Variants in STXBP5L observed in about 807,000 individuals in gnomAD.
STXBP5L encodes syntaxin binding protein 5L.
In STXBP5L, 65 loss-of-function variants were observed where a neutral mutation model predicts 144.5. The ratio of observed to expected loss-of-function variants is 0.45; its 90% CI spans 0.37 to 0.55. The LOEUF (loss-of-function observed/expected upper bound fraction) is 0.55, where lower values mean the gene tolerates loss of function less well. Among genes scored for constraint, STXBP5L ranks in the 20% least tolerant of loss-of-function variants. The pLI is 0.00. For synonymous variants in STXBP5L, 505 were observed against 469.6 expected (o/e 1.08, Z -0.97); for missense variants, 1,298 against 1,405.5 (o/e 0.92, Z 1.22).
intron 2 of STXBP5L, among the ~76,000 whole-genome samples, chr3:120,917,156 G>A (rs937487010): frequency 3.9e-5 from 6 of 152,134 alleles, no homozygotes; most frequent in African/African-American, 1.4e-4. Flanking sequence ...CCAGCTTTGT[G>A]GAGTGGTCAA....
chr3:120,922,445 A>G (rs1391214635), intron 2 of STXBP5L, among the ~76,000 whole-genome samples: 1 of 151,738 alleles, frequency 6.6e-6, no homozygotes, highest in Non-Finnish European at 1.5e-5. Context: ...CCAATTGGAT[A>G]CCCCTTTATT....
chr3:121,025,317 G>A (rs1469233681), intron 3 of STXBP5L, among the ~76,000 whole-genome samples: 1 of 152,098 alleles, frequency 6.6e-6, no homozygotes, highest in Non-Finnish European at 1.5e-5. Flanking sequence ...ACAGTAGATT[G>A]AGGGAGTAGT....
chr3:121,038,086 A>C, intron 3 of STXBP5L, among the ~76,000 whole-genome samples: 1 of 151,892 alleles, frequency 6.6e-6, no homozygotes, highest in East Asian at 1.9e-4. Context: ...TGAATTTTTC[A>C]AACTAGGTTT....
Position 121,407,315 on chromosome 3 carries a change from C to T in STXBP5L, c.2660C>T (p.Pro887Leu), listed in dbSNP as rs910903172. ...CMDRMGGLMQ[P>L]PYEVWRDPNN... ...GACCGAATGGGTGGATTAATGCAACCGCCATATGAAGTTTGGAGGGATCCA... is the reference window on the plus strand; with the variant it reads ...GACCGAATGGGTGGATTAATGCAACTGCCATATGAAGTTTGGAGGGATCCA... The change falls in exon 23 of 27, where the codon CCG (proline) becomes CTG (leucine). Residue 887 changes from proline (P) to leucine (L), a missense_variant. Coordinates refer to ENST00000471454, the MANE Select transcript of STXBP5L (RefSeq NM_001308330.2). The T allele has an allele frequency of 5.0e-6, 8 of 1,611,888 alleles. No homozygotes were observed. Among genetic ancestry groups the T allele is most frequent in the East Asian group, 4.5e-5 (2 of 44,832 alleles).
At chr3:121,286,183 T>G (rs2051227141) in intron 19 of STXBP5L, among the ~76,000 whole-genome samples, 1 of 152,142 alleles carries the variant, frequency 6.6e-6, no homozygotes, top group African/African-American at 2.4e-5. Context: ...CTATTATCCC[T>G]TTCTTTTCAA....
At chr3:121,097,980 A>G (rs2043217111) in intron 5 of STXBP5L, among the ~76,000 whole-genome samples, 1 of 152,150 alleles carries the variant, frequency 6.6e-6, no homozygotes, top group South Asian at 2.1e-4. Flanking sequence ...TTCTATTTTA[A>G]CCATTGTTAA....
At chr3:121,235,863 ACT>A (rs2049464490) in intron 12 of STXBP5L, among the ~76,000 whole-genome samples, 1 of 150,898 alleles carries the variant, frequency 6.6e-6, no homozygotes, top group Non-Finnish European at 1.5e-5. Flanking sequence ...ACACACACAC[ACT>A]ATATTCTCTG....
At chr3:121,126,188 G>A (rs748736068) in intron 7 of STXBP5L, among the ~76,000 whole-genome samples, 2 of 152,068 alleles carry the variant, frequency 1.3e-5, no homozygotes, top group African/African-American at 4.8e-5. Context: ...TCTCGATAAG[G>A]GACTGAAAAA....
rs367953080 is a variant in STXBP5L at position 121,394,868 on chromosome 3, T to C, written c.2588-12375T>C. On this transcript the variant is annotated intron_variant, in intron 22 of 26. Coordinates refer to ENST00000471454, the MANE Select transcript of STXBP5L (RefSeq NM_001308330.2). The stretch of plus-strand genomic sequence containing the variant: ...ATCCACCCGTCTCAGCCTCCCAAAG[T>C]GCTGGGATTACAGGCTGTTGAGGGT... 3.2e-4 allele frequency among the ~76,000 whole-genome samples: 49 copies of C among 152,242 alleles called. No homozygotes were observed. The South Asian group carries it at 0.01, about 32-fold the overall frequency.
chr3:121,056,799 T>C (rs1948490577), intron 5 of STXBP5L, among the ~76,000 whole-genome samples: 1 of 151,966 alleles, frequency 6.6e-6, no homozygotes, highest in Non-Finnish European at 1.5e-5. Context: ...GCAAATATAA[T>C]ATGTAACATA....
At chr3:120,916,606 T>G (rs887627223) in intron 2 of STXBP5L, among the ~76,000 whole-genome samples, 18 of 152,146 alleles carry the variant, frequency 1.2e-4, no homozygotes, top group African/African-American at 4.3e-4. Context: ...TGGCAAGTGT[T>G]TTATAATTCA....
intron 3 of STXBP5L, among the ~76,000 whole-genome samples, chr3:121,021,625 A>G (rs1945560858): frequency 3.3e-5 from 5 of 152,186 alleles, no homozygotes; most frequent in African/African-American, 2.4e-5. Context: ...CCTCAAAACC[A>G]TGCAAATAAT....
intron 20 of STXBP5L, chr3:121,324,688 G>C (rs1313298060): frequency 7.1e-6 from 4 of 564,110 alleles, no homozygotes; most frequent in Non-Finnish European, 1.2e-5. Flanking sequence ...ATTTGTTGTG[G>C]TGGAAACACA....
intron 5 of STXBP5L, among the ~76,000 whole-genome samples, chr3:121,058,093 A>C (rs1948584200): frequency 6.6e-6 from 1 of 152,142 alleles, no homozygotes; most frequent in South Asian, 2.1e-4. Context: ...CGTCATCTAC[A>C]TTAGGTATTT....
intron 3 of STXBP5L, among the ~76,000 whole-genome samples, chr3:121,005,996 T>A (rs1944263185): frequency 6.6e-6 from 1 of 152,136 alleles, no homozygotes; most frequent in Admixed American, 6.5e-5. Flanking sequence ...TTGGAATAGG[T>A]ATGGTGTGGT....
At chr3:120,913,193 C>T (rs1030552352) in intron 2 of STXBP5L, among the ~76,000 whole-genome samples, 2 of 151,998 alleles carry the variant, frequency 1.3e-5, no homozygotes, top group African/African-American at 4.8e-5. Context: ...TGCCGTTATA[C>T]TATGAACTCT....
intron 5 of STXBP5L, among the ~76,000 whole-genome samples, chr3:121,055,266 T>C (rs530010057): frequency 1.3e-5 from 2 of 152,176 alleles, no homozygotes; most frequent in Non-Finnish European, 2.9e-5. Context: ...GTTCAGGTCC[T>C]ATAGGAGAAT....
chr3:121,228,350 G>T (rs938247909), intron 11 of STXBP5L, among the ~76,000 whole-genome samples: 3 of 152,044 alleles, frequency 2.0e-5, no homozygotes, highest in Non-Finnish European at 4.4e-5. Flanking sequence ...TGAAGTTCTG[G>T]TTACATAAAA....
At chr3:121,165,361 A>T (rs903817149) in intron 9 of STXBP5L, among the ~76,000 whole-genome samples, 1 of 152,168 alleles carries the variant, frequency 6.6e-6, no homozygotes, top group Non-Finnish European at 1.5e-5. Context: ...TTCCCCCAGC[A>T]CTATGATGAT....
Sources: allele counts gnomAD v4.1 joint callset (sites outside exome capture counted in the v4.1 genomes callset), GRCh38; gene constraint gnomAD v4.1.1; transcripts MANE v1.5; gene names NCBI Gene and HGNC (gene_info 2026-07-23, HGNC 2026-07-21).